The following BNC2 variants were observed in gnomAD, a reference collection of about 807,000 sequenced individuals.
The protein encoded by BNC2 is zinc finger protein basonuclin-2.
In BNC2, 20 loss-of-function variants were observed where a neutral mutation model predicts 76.3. The observed-to-expected ratio is 0.26, with a 90% CI of 0.18 to 0.38. The LOEUF (loss-of-function observed/expected upper bound fraction) is 0.38, where lower values mean the gene tolerates loss of function less well. Among genes scored for constraint, BNC2 ranks in the 10% least tolerant of loss-of-function variants. BNC2 has a pLI of 1.00. For missense variants in BNC2, 1,382 were observed against 1,399.8 expected (o/e 0.99, Z 0.20); for synonymous variants, 582 against 514.8 (o/e 1.13, Z -1.77).
At chr9:16,807,521 A>G (rs1273924943) in intron 1 of BNC2, among the ~76,000 whole-genome samples, 1 of 152,184 alleles carries the variant, frequency 6.6e-6, no homozygotes, top group Non-Finnish European at 1.5e-5. Flanking sequence ...AGAAGGTTAC[A>G]GCAAAATGAA....
At chr9:16,851,531 A>T (rs934071381) in intron 1 of BNC2, among the ~76,000 whole-genome samples, 1 of 152,186 alleles carries the variant, frequency 6.6e-6, no homozygotes, top group Non-Finnish European at 1.5e-5. Flanking sequence ...AAATGAAAAC[A>T]TAACTAGACT....
At chr9:16,421,830 T>C (rs1337630096) in intron 6 of BNC2, among the ~76,000 whole-genome samples, 3 of 151,720 alleles carry the variant, frequency 2.0e-5, no homozygotes, top group African/African-American at 4.9e-5. Context: ...GATAAAACTA[T>C]CTGCCAACTA....
chr9:16,727,704 T>G, intron 3 of BNC2, 93 bp downstream of exon 3: 1 of 1,138,646 alleles, frequency 8.8e-7, no homozygotes, highest in Admixed American at 2.2e-5. Context: ...TAAAAAGTAT[T>G]TAGAAAGAAA....
At chr9:16,514,786 A>C (rs979990214) in intron 5 of BNC2, among the ~76,000 whole-genome samples, 1 of 152,184 alleles carries the variant, frequency 6.6e-6, no homozygotes, top group Admixed American at 6.5e-5. Context: ...AGAATTGAAA[A>C]ACAAACAAAC....
chr9:16,859,431 G>A (rs924892139), intron 1 of BNC2, among the ~76,000 whole-genome samples: 3 of 152,202 alleles, frequency 2.0e-5, no homozygotes, highest in African/African-American at 7.2e-5. Context: ...GAGCCAAGAG[G>A]TGGAAAGCAA....
At chr9:16,701,990 T>C (rs1369054195) in intron 3 of BNC2, among the ~76,000 whole-genome samples, 1 of 148,236 alleles carries the variant, frequency 6.7e-6, no homozygotes, top group Admixed American at 6.7e-5. Flanking sequence ...GTACTTCACA[T>C]GGGAACACAA....
chr9:16,596,322 G>T (rs1820074146), intron 3 of BNC2, among the ~76,000 whole-genome samples: 1 of 151,830 alleles, frequency 6.6e-6, no homozygotes, highest in Non-Finnish European at 1.5e-5. Flanking sequence ...AATATCCAAG[G>T]GGCTTTTTAT....
At chr9:16,474,806 A>ACATAC (rs1443416216) in intron 5 of BNC2, among the ~76,000 whole-genome samples, 1 of 152,196 alleles carries the variant, frequency 6.6e-6, no homozygotes, top group Non-Finnish European at 1.5e-5. Context: ...AGGAATATTC[A>ACATAC]CATACCATAG....
chr9:16,441,715 C>T (rs1821131846), intron 5 of BNC2, among the ~76,000 whole-genome samples: 2 of 152,088 alleles, frequency 1.3e-5, no homozygotes, highest in Non-Finnish European at 2.9e-5. Context: ...AAATTTGGGA[C>T]AAGTGGACAC....
chr9:16,818,639 CA>C (rs944699014), intron 1 of BNC2, among the ~76,000 whole-genome samples: 2 of 152,020 alleles, frequency 1.3e-5, no homozygotes, highest in Admixed American at 1.3e-4. Context: ...TCTCAAGCAT[CA>C]AAAAAGTTCA....
intron 1 of BNC2, among the ~76,000 whole-genome samples, chr9:16,756,899 G>A (rs1825399318): frequency 6.6e-6 from 1 of 151,794 alleles, no homozygotes; most frequent in South Asian, 2.1e-4. Flanking sequence ...GCTGAGGCAG[G>A]AGAATGGCCT....
At position 16,496,060 on chromosome 9, in the gene BNC2, C is replaced by T. The variant is rs146010083; in HGVS notation, c.669+56470G>A. On this transcript the variant is annotated intron_variant, in intron 5 of 6. Coordinates refer to ENST00000380672, the MANE Select transcript of BNC2 (RefSeq NM_017637.6). ...AGTAGCTGGGATTACAGGTGCCCAC[C>T]ACCATGCCCGGCTAATCTTTGTATT... Among the ~76,000 whole-genome samples the T allele has an allele frequency of 2.9e-4, 44 of 151,986 alleles. 1 individual carries two copies. The East Asian group carries it at 8.6e-3, about 30-fold the overall frequency.
At chr9:16,520,438 A>T (rs1480193350) in intron 5 of BNC2, among the ~76,000 whole-genome samples, 2 of 152,180 alleles carry the variant, frequency 1.3e-5, no homozygotes, top group Non-Finnish European at 2.9e-5. Flanking sequence ...CTGGTGTAAG[A>T]ACAATCTGAA....
intron 5 of BNC2, among the ~76,000 whole-genome samples, chr9:16,488,281 TA>T (rs1318693442): frequency 6.6e-6 from 1 of 152,180 alleles, no homozygotes; most frequent in Non-Finnish European, 1.5e-5. Flanking sequence ...AATAAAATAT[TA>T]ACAACTCATA....
chr9:16,596,229 A>C (rs1290700963), intron 3 of BNC2, among the ~76,000 whole-genome samples: 1 of 152,126 alleles, frequency 6.6e-6, no homozygotes, highest in African/African-American at 2.4e-5. Flanking sequence ...AAGAAATAAA[A>C]ATTAAACATC....
chr9:16,539,583 A>T (rs1806494123), intron 5 of BNC2, among the ~76,000 whole-genome samples: 1 of 80,980 alleles, frequency 1.2e-5, no homozygotes, highest in Admixed American at 1.4e-4. Context: ...GAGACAGAGA[A>T]GGGAGGGAGG....
At chr9:16,609,820 C>T (rs558172832) in intron 3 of BNC2, among the ~76,000 whole-genome samples, 1 of 152,246 alleles carries the variant, frequency 6.6e-6, no homozygotes, top group Non-Finnish European at 1.5e-5. Flanking sequence ...GGTCTTGAAT[C>T]CCTTACCTGC....
chr9:16,779,235 T>G (rs1826056913), intron 1 of BNC2, among the ~76,000 whole-genome samples: 1 of 143,062 alleles, frequency 7.0e-6, no homozygotes, highest in Non-Finnish European at 1.5e-5. Flanking sequence ...GCCCAGAAGG[T>G]GGAGGCTGCA....
chr9:16,579,417 G>T (rs1415147953), intron 4 of BNC2, among the ~76,000 whole-genome samples: 1 of 151,780 alleles, frequency 6.6e-6, no homozygotes, highest in African/African-American at 2.4e-5. Flanking sequence ...AAAGTAGTTG[G>T]GACCGAGAGC....
Sources: gnomAD v4.1 joint callset for allele counts (sites outside exome capture counted in the v4.1 genomes callset) on GRCh38, gnomAD v4.1.1 for gene constraint, MANE v1.5 for transcripts, NCBI Gene and HGNC (gene_info 2026-07-23, HGNC 2026-07-21) for gene names.